Variants in EIF3H observed in about 807,000 individuals in gnomAD.
EIF3H encodes the protein eIF-3-gamma.
In EIF3H, 26 loss-of-function variants were observed where a neutral mutation model predicts 44.2. The ratio of observed to expected loss-of-function variants is 0.59; its 90% CI spans 0.43 to 0.82. The LOEUF (loss-of-function observed/expected upper bound fraction) is 0.82. Among genes scored for constraint, EIF3H ranks in the 40% least tolerant of loss-of-function variants. EIF3H has a pLI of 0.00. For synonymous variants in EIF3H, 166 were observed against 151.9 expected (o/e 1.09, Z -0.68); for missense variants, 359 against 432.8 (o/e 0.83, Z 1.51).
chr8:116,734,358 G>A (rs1247766806), intron 1 of EIF3H: 1 of 455,790 alleles, frequency 2.2e-6, no homozygotes, highest in Admixed American at 2.4e-5. Flanking sequence ...ATGAAAACTT[G>A]GGAGAAGAGA....
intron 1 of EIF3H, among the ~76,000 whole-genome samples, chr8:116,744,888 T>G (rs1413752188): frequency 6.6e-6 from 1 of 152,240 alleles, no homozygotes; most frequent in Non-Finnish European, 1.5e-5. Flanking sequence ...CTTGCAAAGA[T>G]TCTTTTCAAA....
chr8:116,703,977 G>A (rs145327334), intron 2 of EIF3H, among the ~76,000 whole-genome samples: 4 of 152,276 alleles, frequency 2.6e-5, no homozygotes, highest in East Asian at 3.9e-4. Context: ...GGCAGCACTC[G>A]TGGTTCTTAA....
At chr8:116,716,071 TA>T (rs1814655450) in intron 2 of EIF3H, among the ~76,000 whole-genome samples, 1 of 152,048 alleles carries the variant, frequency 6.6e-6, no homozygotes, top group Non-Finnish European at 1.5e-5. Context: ...AAACTTATAA[TA>T]ACAGTTTTCT....
chr8:116,668,564 A>G (rs1183524011), intron 2 of EIF3H, among the ~76,000 whole-genome samples: 1 of 152,120 alleles, frequency 6.6e-6, no homozygotes, highest in African/African-American at 2.4e-5. Flanking sequence ...GTGCTCCTAA[A>G]CTGTGGGAGC....
At chr8:116,646,634 T>A (rs745612908) in intron 6 of EIF3H, 31 bp from the exon 7 acceptor site, 5 of 1,610,672 alleles carry the variant, frequency 3.1e-6, no homozygotes. Flanking sequence ...GGTTTGGTTA[T>A]TTTTCTCCAT....
intron 2 of EIF3H, among the ~76,000 whole-genome samples, chr8:116,714,786 G>C (rs1394824400): frequency 6.6e-6 from 1 of 151,958 alleles, no homozygotes; most frequent in Non-Finnish European, 1.5e-5. Context: ...TACAGATAGG[G>C]GGTAAGACAA....
intron 2 of EIF3H, among the ~76,000 whole-genome samples, chr8:116,674,815 C>A (rs534269344): frequency 7.9e-5 from 12 of 152,138 alleles, no homozygotes; most frequent in African/African-American, 2.9e-4. Context: ...GGAAAGAGAG[C>A]TGGCAATTTT....
intron 5 of EIF3H, among the ~76,000 whole-genome samples, chr8:116,654,803 CCA>C (rs753666528): frequency 1.3e-5 from 2 of 152,156 alleles, no homozygotes; most frequent in Non-Finnish European, 2.9e-5. Context: ...GGCGCTTCAA[CCA>C]CAGTCCTACC....
At chr8:116,689,325 G>A (rs1814133449) in intron 2 of EIF3H, among the ~76,000 whole-genome samples, 1 of 152,118 alleles carries the variant, frequency 6.6e-6, no homozygotes, top group African/African-American at 2.4e-5. Context: ...CTCTAGAATT[G>A]ACGCTAGCGA....
chr8:116,648,948 C>G, intron 5 of EIF3H, 22 bp from the exon 6 acceptor site: 1 of 1,594,698 alleles, frequency 6.3e-7, no homozygotes, highest in African/African-American at 1.3e-5. Context: ...AGTAAATATA[C>G]TGACAAGTCT....
chr8:116,712,286 C>G (rs1268644518), intron 2 of EIF3H, among the ~76,000 whole-genome samples: 2 of 152,158 alleles, frequency 1.3e-5, no homozygotes, highest in African/African-American at 4.8e-5. Context: ...CAATTCTATA[C>G]ACCAGAAAAA....
chr8:116,713,889 CTA>C (rs1026773047), intron 2 of EIF3H, among the ~76,000 whole-genome samples: 10 of 152,034 alleles, frequency 6.6e-5, no homozygotes, highest in African/African-American at 2.4e-4. Flanking sequence ...CAGATTCTCT[CTA>C]GTTACCTGCA....
intron 2 of EIF3H, among the ~76,000 whole-genome samples, chr8:116,713,593 C>T (rs1030750482): frequency 6.6e-6 from 1 of 152,012 alleles, no homozygotes; most frequent in African/African-American, 2.4e-5. Context: ...CATGAAAATA[C>T]GAGAACTGAT....
chr8:116,669,681 G>C (rs906653114), intron 2 of EIF3H, among the ~76,000 whole-genome samples: 3 of 152,090 alleles, frequency 2.0e-5, no homozygotes, highest in Non-Finnish European at 4.4e-5. Context: ...TAGTATCAAA[G>C]ATATTATAAA....
At position 116,655,863 on chromosome 8, in the gene EIF3H, C is replaced by T; in HGVS notation, c.700G>A (p.Ala234Thr). ...VADKHELLSL[A>T]SSNHLGKNLQ... The stretch of plus-strand genomic sequence containing the variant: ...TTAGGCAGGGCCACTTACCTGCTGG[C>T]AAGGCTGAGCAATTCATGTTTATCT... Residue 234 changes from alanine to threonine, a missense_variant, in exon 5 of 8, where the codon GCC (alanine) becomes ACC (threonine). By Grantham distance (58) the Ala-to-Thr change is moderately conservative (BLOSUM62 0). Coordinates refer to ENST00000521861, the MANE Select transcript of EIF3H (RefSeq NM_003756.3). 1.9e-6 allele frequency: 3 copies of T among 1,613,604 alleles called. No homozygotes were observed. Among genetic ancestry groups the T allele is most frequent in the Non-Finnish European group, 2.5e-6 (3 of 1,179,706 alleles).
chr8:116,724,015 C>T (rs1396548830), intron 2 of EIF3H, among the ~76,000 whole-genome samples: 1 of 152,130 alleles, frequency 6.6e-6, no homozygotes, highest in Non-Finnish European at 1.5e-5. Context: ...GCAAAACAAT[C>T]TCAAATGAGA....
intron 1 of EIF3H, among the ~76,000 whole-genome samples, chr8:116,726,535 A>C (rs1470365002): frequency 6.6e-6 from 1 of 152,248 alleles, no homozygotes; most frequent in East Asian, 1.9e-4. Flanking sequence ...GTTAATAGAC[A>C]CATAAATGAC....
At chr8:116,736,218 C>A (rs1464945339) in intron 1 of EIF3H, among the ~76,000 whole-genome samples, 1 of 152,110 alleles carries the variant, frequency 6.6e-6, no homozygotes, top group Non-Finnish European at 1.5e-5. Context: ...AAGTGGTTGC[C>A]TAGGGCCAAG....
chr8:116,697,852 T>A (rs1814294680), intron 2 of EIF3H, among the ~76,000 whole-genome samples: 1 of 152,230 alleles, frequency 6.6e-6, no homozygotes, highest in African/African-American at 2.4e-5. Context: ...AATTATGCTT[T>A]AGTGGGGGGC....
Sources: allele counts gnomAD v4.1 joint callset (sites outside exome capture counted in the v4.1 genomes callset), GRCh38; gene constraint gnomAD v4.1.1; transcripts MANE v1.5; gene names NCBI Gene and HGNC (gene_info 2026-07-23, HGNC 2026-07-21).